The following ARHGAP39 variants were observed in gnomAD, a reference collection of about 807,000 sequenced individuals.
ARHGAP39 encodes Rho GTPase activating protein 39, also known as rho GTPase-activating protein 39.
Under a neutral mutation model 106.9 loss-of-function variants are expected in ARHGAP39, and 44 were observed. The ratio of observed to expected loss-of-function variants is 0.41; its 90% confidence interval spans 0.32 to 0.53. ARHGAP39 has a LOEUF of 0.53. ARHGAP39 is among the 20% of genes least tolerant of loss of function. The pLI, the probability that ARHGAP39 is intolerant of heterozygous loss-of-function variation, is 0.21. For missense variants in ARHGAP39, 1,496 were observed against 1,577.3 expected (o/e 0.95, Z 0.87); for synonymous variants, 768 against 693.2 (o/e 1.11, Z -1.69).
At chr8:144,640,800 C>T (rs1333945462) in intron 1 of ARHGAP39, among the ~76,000 whole-genome samples, 1 of 152,166 alleles carries the variant, frequency 6.6e-6, no homozygotes, top group Non-Finnish European at 1.5e-5. Context: ...CTGTTTTAAC[C>T]TCTCTAAATC....
rs756189068 is a variant in ARHGAP39 at position 144,547,809 on chromosome 8, G to A, written c.1277C>T (p.Ser426Leu). ...GCAGGGGCTGGGCTGCAAGGAGTAC[G>A]AACCACCGCCGGGGTTGGGCGCGTA... ...HKYAPNPGGGSYSLQPSPCLL... is the reference protein window; with the variant it reads ...HKYAPNPGGGLYSLQPSPCLL... Residue 426 changes from serine to leucine, a missense_variant, in exon 5 of 12, where the codon TCG becomes TTG. Transcript: ENST00000377307. This position sits in a 1 kb window ranked among gnomAD's most constrained non-coding sequence, Gnocchi z 5.2. 13 of 1,592,638 alleles carry A rather than the reference G, an allele frequency of 8.2e-6. No homozygotes were observed. The highest frequency in any genetic ancestry group is 6.0e-6 in the Non-Finnish European group (7 of 1,173,152).
At chr8:144,664,016 A>G (rs1821899764) in intron 1 of ARHGAP39, among the ~76,000 whole-genome samples, 2 of 151,940 alleles carry the variant, frequency 1.3e-5, no homozygotes, top group Non-Finnish European at 2.9e-5. Context: ...AAAATACAAC[A>G]ATTAGCCGGG....
intron 2 of ARHGAP39, among the ~76,000 whole-genome samples, chr8:144,588,543 A>C (rs1231792495): frequency 1.3e-5 from 2 of 152,202 alleles, no homozygotes; most frequent in Non-Finnish European, 2.9e-5. Context: ...GACCGCGGAG[A>C]GCGGCAGACT....
At chr8:144,693,445 C>T in the ARHGAP39 span, among the ~76,000 whole-genome samples, 1 of 151,866 alleles carries the variant, frequency 6.6e-6, no homozygotes, top group Non-Finnish European at 1.5e-5. Flanking sequence ...GCGATCTCGG[C>T]TCACTGCAAG....
upstream of ARHGAP39, among the ~76,000 whole-genome samples, chr8:144,687,722 A>AC (rs780538065): frequency 1.1e-4 from 8 of 74,884 alleles, no homozygotes; most frequent in African/African-American, 2.0e-4. Context: ...AGCACTTCCC[A>AC]CCCCGTGACC....
chr8:144,579,780 T>C (rs534929451), intron 3 of ARHGAP39, among the ~76,000 whole-genome samples: 2 of 152,124 alleles, frequency 1.3e-5, no homozygotes, highest in Non-Finnish European at 2.9e-5. Flanking sequence ...AGAAAGCCCC[T>C]GGGCCTCAGC....
intron 1 of ARHGAP39, among the ~76,000 whole-genome samples, chr8:144,624,162 T>C (rs891360981): frequency 6.6e-6 from 1 of 152,194 alleles, no homozygotes; most frequent in African/African-American, 2.4e-5. Flanking sequence ...AGGTCGGCCC[T>C]GTAAGCCACA....
intron 3 of ARHGAP39, among the ~76,000 whole-genome samples, chr8:144,557,512 C>G (rs377644780): frequency 1.8e-5 from 2 of 112,010 alleles, no homozygotes; most frequent in Admixed American, 1.1e-4. Context: ...TAGTATTCAG[C>G]GGCAAAAGGC....
At chr8:144,567,464 C>G (rs768760503) in intron 3 of ARHGAP39, among the ~76,000 whole-genome samples, 1 of 152,158 alleles carries the variant, frequency 6.6e-6, no homozygotes, top group African/African-American at 2.4e-5. Flanking sequence ...GGAAAACACC[C>G]GCTACTTAGC....
chr8:144,548,622 C>T lies in ARHGAP39; in HGVS notation c.597-133G>A. On this transcript the variant is annotated intron_variant, in intron 4 of 11. Transcript: ENST00000377307. This position sits in a 1 kb window ranked among gnomAD's most constrained non-coding sequence, Gnocchi z 7.4. ...CACCTTCCTCGCTGGGGCCCTGTGG[C>T]CTGGCGCCCCTCACACCTGCCTTGC... 1 of 1,271,392 alleles carries T rather than the reference C, an allele frequency of 7.9e-7. No individual in the cohort carries two copies. The allele number at this position is 1,271,392 out of a possible 1,614,324, so 78.8% of individuals were successfully genotyped here.
Position 144,547,398 on chromosome 8 carries a change from G to C in ARHGAP39, c.1688C>G (p.Ala563Gly). The change falls in exon 5 of 12, where the codon GCG (alanine) becomes GGG (glycine). Residue 563 changes from alanine to glycine, a missense_variant. Coordinates refer to ENST00000377307, the MANE Select transcript of ARHGAP39 (RefSeq NM_025251.3). The surrounding 1 kb of genome is among the most constrained non-coding windows in gnomAD (Gnocchi z 5.2). ...CTTCATGTGGAAGTGGGCCTGCTGC[G>C]CCTCCCAGGCCAGCCGAGCCTGCGC... ...FLAQARLAWE[A>G]QQAHFHMKQR... 1 of 1,591,568 alleles carries C rather than the reference G, an allele frequency of 6.3e-7. No individual in the cohort carries two copies. The highest frequency in any genetic ancestry group is 2.3e-5 in the East Asian group (1 of 44,416).
chr8:144,583,381 C>T (rs1389411001), intron 2 of ARHGAP39, among the ~76,000 whole-genome samples: 2 of 152,230 alleles, frequency 1.3e-5, no homozygotes, highest in Non-Finnish European at 2.9e-5. Flanking sequence ...CAGGAAGTGG[C>T]GCACGCATTG....
chr8:144,626,688 C>T (rs1300764397), intron 1 of ARHGAP39, among the ~76,000 whole-genome samples: 1 of 152,262 alleles, frequency 6.6e-6, no homozygotes, highest in African/African-American at 2.4e-5. Flanking sequence ...GAGTCCTGAC[C>T]TCCCCACGTA....
At chr8:144,578,985 G>C (rs1284613323) in intron 3 of ARHGAP39, among the ~76,000 whole-genome samples, 1 of 151,906 alleles carries the variant, frequency 6.6e-6, no homozygotes, top group Non-Finnish European at 1.5e-5. Flanking sequence ...GGTGGATCAC[G>C]AGGTCAGGAG....
chr8:144,532,457 C>CAGCA, intron 9 of ARHGAP39, 61 bp from the exon 10 acceptor site: 1 of 1,455,592 alleles, frequency 6.9e-7, no homozygotes, highest in Non-Finnish European at 9.5e-7. Context: ...CATGATTCCG[C>CAGCA]CTGGACACTC....
At chr8:144,593,198 C>T (rs1262908337) in intron 2 of ARHGAP39, among the ~76,000 whole-genome samples, 2 of 152,126 alleles carry the variant, frequency 1.3e-5, no homozygotes, top group Non-Finnish European at 2.9e-5. Context: ...GCGATCAGCC[C>T]ACATAAGCCT....
the ARHGAP39 span, among the ~76,000 whole-genome samples, chr8:144,693,563 C>T: frequency 6.7e-6 from 1 of 149,534 alleles, no homozygotes; most frequent in Admixed American, 6.7e-5. Context: ...TTAGTAGAGA[C>T]GGGGTTTCAC....
chr8:144,629,498 A>G (rs574397232), intron 1 of ARHGAP39, among the ~76,000 whole-genome samples: 1 of 152,370 alleles, frequency 6.6e-6, no homozygotes, highest in South Asian at 2.1e-4. Context: ...GGCTGGGGAC[A>G]GCCAAGTGTG....
At chr8:144,549,066 G>A (rs1368293320) in intron 4 of ARHGAP39, among the ~76,000 whole-genome samples, 2 of 152,210 alleles carry the variant, frequency 1.3e-5, no homozygotes, top group Non-Finnish European at 2.9e-5. Flanking sequence ...CCTGGCCAAG[G>A]GCACCAGAGT....
Sources: allele counts gnomAD v4.1 joint callset (sites outside exome capture counted in the v4.1 genomes callset), GRCh38; gene constraint gnomAD v4.1.1; non-coding constraint Gnocchi (gnomAD v3.1); transcripts MANE v1.5; gene names NCBI Gene and HGNC (gene_info 2026-07-23, HGNC 2026-07-21).